The following FHOD3 variants were observed in gnomAD, a reference collection of about 807,000 sequenced individuals.
The protein encoded by FHOD3 is FH1/FH2 domain-containing protein 3.
FHOD3 carries 90 observed loss-of-function variants against 173.0 expected under a neutral mutation model. The ratio of observed to expected loss-of-function variants is 0.52; its 90% confidence interval spans 0.44 to 0.62. The LOEUF is 0.62. FHOD3 is among the 20% of genes least tolerant of loss of function. The probability of loss-of-function intolerance (pLI) is 0.00; values close to 1 mark genes in which losing one functional copy is unlikely to be tolerated. For missense variants in FHOD3, 1,945 were observed against 2,034.7 expected, an observed-to-expected ratio of 0.96 and a Z score of 0.85; for synonymous variants, 828 against 823.0, an observed-to-expected ratio of 1.01 and a Z score of -0.10.
Position 36,422,762 on chromosome 18 carries a change from C to T in FHOD3, c.337+50018C>T, listed in dbSNP as rs973960769. On this transcript the variant is annotated intron_variant, in intron 3 of 28. Coordinates refer to ENST00000590592, the MANE Select transcript of FHOD3 (RefSeq NM_001281740.3). ...ATTTATTTTTGAAAACGTTAATTAG[C>T]GTCCTTAAGTAAACATTTGATAAAT... Among the ~76,000 whole-genome samples the T allele has an allele frequency of 2.0e-5, 3 of 152,130 alleles. No individual in the cohort carries two copies. In the South Asian group the frequency reaches 6.2e-4, roughly 32 times the overall value.
intron 3 of FHOD3, among the ~76,000 whole-genome samples, chr18:36,423,458 G>A (rs980402347): frequency 3.6e-4 from 55 of 152,198 alleles, no homozygotes; most frequent in African/African-American, 1.3e-3. Context: ...TTGTCATGGT[G>A]AATCTGATGA....
intron 10 of FHOD3, among the ~76,000 whole-genome samples, chr18:36,641,772 A>G (rs1188104983): frequency 6.6e-6 from 1 of 152,132 alleles, no homozygotes; most frequent in East Asian, 1.9e-4. Context: ...CCTGGCCAAC[A>G]TGGTGAAACC....
chr18:36,522,472 C>T (rs1011694461), intron 5 of FHOD3, among the ~76,000 whole-genome samples: 1 of 152,286 alleles, frequency 6.6e-6, no homozygotes, highest in South Asian at 2.1e-4. Flanking sequence ...TATATATCTA[C>T]TAGGGTGTAT....
Position 36,779,446 on chromosome 18 carries a change from A to G in FHOD3, c.4787-2A>G. On this transcript the variant is annotated splice_acceptor_variant, in intron 28 of 28. Coordinates refer to ENST00000590592, the MANE Select transcript of FHOD3 (RefSeq NM_001281740.3). LOFTEE classifies it high-confidence loss of function. ...TGGGTGTGACCTGCACCACCACTGC[A>G]GTGCGAAGAACCCTGAAGAGCGGCC... 6.2e-7 allele frequency: 1 copy of G among 1,614,090 alleles called. No individual in the cohort carries two copies. Among genetic ancestry groups the G allele is most frequent in the East Asian group, 2.2e-5 (1 of 44,884 alleles).
At chr18:36,327,937 G>A (rs530940225) in intron 1 of FHOD3, among the ~76,000 whole-genome samples, 9 of 152,228 alleles carry the variant, frequency 5.9e-5, no homozygotes, top group African/African-American at 2.2e-4. Context: ...ATAGAATTAG[G>A]CTATGGGTCA....
chr18:36,316,895 C>T (rs2044156101), intron 1 of FHOD3, among the ~76,000 whole-genome samples: 1 of 151,960 alleles, frequency 6.6e-6, no homozygotes, highest in African/African-American at 2.4e-5. Flanking sequence ...CCTGACAGGC[C>T]CCAGTGTGTG....
At chr18:36,558,467 G>T (rs1431430207) in intron 5 of FHOD3, among the ~76,000 whole-genome samples, 1 of 152,144 alleles carries the variant, frequency 6.6e-6, no homozygotes, top group African/African-American at 2.4e-5. Context: ...GGCCAGAAGC[G>T]GAAGTCTTGC....
At chr18:36,570,300 A>C (rs1320473893) in intron 5 of FHOD3, among the ~76,000 whole-genome samples, 1 of 152,078 alleles carries the variant, frequency 6.6e-6, no homozygotes, top group African/African-American at 2.4e-5. Context: ...AATTCCTTAA[A>C]TGGATCATTT....
intron 3 of FHOD3, among the ~76,000 whole-genome samples, chr18:36,476,371 C>T (rs998520625): frequency 1.3e-5 from 2 of 152,304 alleles, no homozygotes; most frequent in Middle Eastern, 3.4e-3. Flanking sequence ...CAACTTACAT[C>T]CCTTGGCTAC....
intron 5 of FHOD3, among the ~76,000 whole-genome samples, chr18:36,552,587 C>T (rs774361420): frequency 6.6e-6 from 1 of 151,772 alleles, no homozygotes; most frequent in Non-Finnish European, 1.5e-5. Flanking sequence ...CAAGCTCCGC[C>T]TCCCAGGTTC....
chr18:36,334,143 C>T (rs56176667), intron 1 of FHOD3, among the ~76,000 whole-genome samples: 4,658 of 152,330 alleles, frequency 0.031, 250 homozygotes, highest in African/African-American at 0.11. Context: ...CCTGCCCCAA[C>T]TCTGTAGGTA....
chr18:36,717,082 G>T (rs907824585), intron 18 of FHOD3, among the ~76,000 whole-genome samples: 2 of 152,092 alleles, frequency 1.3e-5, no homozygotes, highest in African/African-American at 4.8e-5. Context: ...TGTTTATGAG[G>T]CAGTTGCAGG....
intron 3 of FHOD3, among the ~76,000 whole-genome samples, chr18:36,500,235 C>T (rs767257705): frequency 6.6e-6 from 1 of 152,134 alleles, no homozygotes; most frequent in African/African-American, 2.4e-5. Flanking sequence ...TGTTCTTTGC[C>T]GGAAGGCAAT....
chr18:36,559,890 AT>A (rs2058028816), intron 5 of FHOD3, among the ~76,000 whole-genome samples: 1 of 152,102 alleles, frequency 6.6e-6, no homozygotes, highest in African/African-American at 2.4e-5. Context: ...CACAGCATGA[AT>A]TATGTTAACT....
intron 3 of FHOD3, among the ~76,000 whole-genome samples, chr18:36,389,155 A>G (rs1254343073): frequency 6.6e-6 from 1 of 152,200 alleles, no homozygotes; most frequent in Non-Finnish European, 1.5e-5. Flanking sequence ...TTTATTTGCG[A>G]ATAAAGATGC....
chr18:36,401,394 A>G (rs540771957), intron 3 of FHOD3, among the ~76,000 whole-genome samples: 3 of 152,212 alleles, frequency 2.0e-5, no homozygotes, highest in Admixed American at 6.5e-5. Flanking sequence ...TGAGCAATAC[A>G]TTTCTATTGT....
intron 3 of FHOD3, among the ~76,000 whole-genome samples, chr18:36,410,404 A>G (rs902138489): frequency 6.6e-6 from 1 of 152,206 alleles, no homozygotes; most frequent in Non-Finnish European, 1.5e-5. Flanking sequence ...TCTATTCACC[A>G]GCAGATAGAC....
intron 14 of FHOD3, among the ~76,000 whole-genome samples, chr18:36,668,690 T>C (rs759550408): frequency 6.6e-6 from 1 of 152,060 alleles, no homozygotes; most frequent in Non-Finnish European, 1.5e-5. Context: ...TTTTATCTTC[T>C]CTTAATATGC....
At chr18:36,744,381 A>G (rs948394914) in intron 23 of FHOD3, among the ~76,000 whole-genome samples, 188 bp downstream of exon 23, 6 of 152,196 alleles carry the variant, frequency 3.9e-5, no homozygotes, top group East Asian at 1.9e-4. Context: ...TCTTTTTCCT[A>G]TCTCTGGTTC....
Sources: gnomAD v4.1 joint callset for allele counts (sites outside exome capture counted in the v4.1 genomes callset) on GRCh38, gnomAD v4.1.1 for gene constraint, MANE v1.5 for transcripts, NCBI Gene and HGNC (gene_info 2026-07-23, HGNC 2026-07-21) for gene names.